The following PRKCA variants were observed in gnomAD, a reference collection of about 807,000 sequenced individuals.
PRKCA encodes the protein protein kinase C alpha type.
In PRKCA, 27 loss-of-function variants were observed where a neutral mutation model predicts 87.0. That is an observed-to-expected ratio of 0.31 (90% CI 0.23 to 0.43). PRKCA has a LOEUF of 0.43. Ranked by LOEUF, PRKCA falls within the 20% of genes least tolerant of loss-of-function variation. The probability of loss-of-function intolerance (pLI) is 1.00; values close to 1 mark genes in which losing one functional copy is unlikely to be tolerated. For missense variants in PRKCA, 518 were observed against 852.3 expected (o/e 0.61, Z 4.88); for synonymous variants, 329 against 311.1 (o/e 1.06, Z -0.61).
chr17:66,669,300 T>C (rs73997130), intron 5 of PRKCA, among the ~76,000 whole-genome samples: 7,824 of 152,206 alleles, frequency 0.051, 682 homozygotes, highest in African/African-American at 0.18. Flanking sequence ...TTAAAATCTT[T>C]GTGGTGCAAC....
chr17:66,570,607 T>G (rs1039818745), intron 3 of PRKCA, among the ~76,000 whole-genome samples: 2 of 152,196 alleles, frequency 1.3e-5, no homozygotes, highest in African/African-American at 4.8e-5. Flanking sequence ...CTAAATCACT[T>G]TCTTAGGGTG....
At chr17:66,380,792 A>G (rs1909733838) in intron 2 of PRKCA, among the ~76,000 whole-genome samples, 1 of 152,176 alleles carries the variant, frequency 6.6e-6, no homozygotes. Context: ...CTTGTCCTGA[A>G]TCACGATAGT....
At chr17:66,635,620 T>C (rs1405697161) in intron 3 of PRKCA, among the ~76,000 whole-genome samples, 2 of 152,226 alleles carry the variant, frequency 1.3e-5, no homozygotes, top group East Asian at 1.9e-4. Context: ...GGTTATATAT[T>C]TAATGAAGAA....
At chr17:66,514,579 A>G (rs903096286) in intron 3 of PRKCA, among the ~76,000 whole-genome samples, 11 of 152,124 alleles carry the variant, frequency 7.2e-5, no homozygotes, top group African/African-American at 2.4e-4. Context: ...CAGCAGCTCC[A>G]TGTTTCTGTG....
intron 5 of PRKCA, among the ~76,000 whole-genome samples, chr17:66,662,044 T>A (rs752519134): frequency 1.4e-4 from 21 of 152,230 alleles, no homozygotes; most frequent in Non-Finnish European, 2.9e-4. Flanking sequence ...GCCTCCAGGT[T>A]CTTAGCCTCT....
At chr17:66,653,025 C>T (rs1567956657) in intron 5 of PRKCA, among the ~76,000 whole-genome samples, 1 of 152,230 alleles carries the variant, frequency 6.6e-6, no homozygotes, top group Non-Finnish European at 1.5e-5. Context: ...TGGCCCCTGG[C>T]CCCCGTTAAA....
chr17:66,402,431 T>TC (rs1390116188), intron 2 of PRKCA, among the ~76,000 whole-genome samples: 1 of 151,228 alleles, frequency 6.6e-6, no homozygotes, highest in Non-Finnish European at 1.5e-5. Context: ...TTTTTTTTTT[T>TC]TTTTAAAGAA....
intron 5 of PRKCA, among the ~76,000 whole-genome samples, chr17:66,664,215 G>A (rs542555271): frequency 4.1e-4 from 63 of 152,140 alleles, no homozygotes; most frequent in Non-Finnish European, 1.5e-4. Flanking sequence ...TGGGAGGCAG[G>A]ATGGCAGAGC....
intron 16 of PRKCA, among the ~76,000 whole-genome samples, chr17:66,795,690 T>A (rs1975647666): frequency 6.6e-6 from 1 of 152,220 alleles, no homozygotes; most frequent in African/African-American, 2.4e-5. Context: ...TACATCAAAG[T>A]GTATGAATTG....
intron 13 of PRKCA, among the ~76,000 whole-genome samples, chr17:66,765,094 C>T (rs1010599420): frequency 6.6e-6 from 1 of 152,096 alleles, no homozygotes. Flanking sequence ...GGAAAGGAAA[C>T]AGATGAAGTT....
rs993248312 is a variant in PRKCA, at chr17:66,453,765, T to C, written c.206-42436T>C. Among the ~76,000 whole-genome samples, 5 of 152,256 alleles carry C rather than the reference T, an allele frequency of 3.3e-5. No homozygotes were observed. The South Asian group carries it at 6.2e-4, about 19-fold the overall frequency. On this transcript the variant is annotated intron_variant, in intron 2 of 16. Transcript: ENST00000413366. Reference sequence around the variant, plus strand: ...CTCTTCTGGGTTGTTCTGACTAACATTGGGTTTTACTCAAATTTTCTCTCC... The same window carrying C: ...CTCTTCTGGGTTGTTCTGACTAACACTGGGTTTTACTCAAATTTTCTCTCC...
intron 5 of PRKCA, among the ~76,000 whole-genome samples, chr17:66,655,314 T>C (rs1301221176): frequency 6.6e-6 from 1 of 152,072 alleles, no homozygotes; most frequent in Non-Finnish European, 1.5e-5. Context: ...TTTGCCCATC[T>C]CCCCATATTT....
intron 8 of PRKCA, chr17:66,703,666 G>C (rs1433683845): frequency 1.3e-5 from 2 of 152,058 alleles, no homozygotes; most frequent in African/African-American, 2.4e-5. Context: ...ATGGTGGTGA[G>C]AGCTTGTAAT....
intron 3 of PRKCA, among the ~76,000 whole-genome samples, chr17:66,504,370 C>T (rs1040830380): frequency 6.6e-6 from 1 of 152,090 alleles, no homozygotes; most frequent in Non-Finnish European, 1.5e-5. Context: ...AGGTGGATCA[C>T]CTGAGGTCAG....
chr17:66,497,536 A>G (rs1916531321), intron 3 of PRKCA, among the ~76,000 whole-genome samples: 1 of 152,078 alleles, frequency 6.6e-6, no homozygotes, highest in Non-Finnish European at 1.5e-5. Context: ...CACGGAAAAT[A>G]CCAATGTCTA....
intron 3 of PRKCA, among the ~76,000 whole-genome samples, chr17:66,503,427 G>T (rs1359342547): frequency 1.3e-5 from 2 of 152,160 alleles, no homozygotes; most frequent in African/African-American, 4.8e-5. Flanking sequence ...GGGACCAAAT[G>T]AATACATTAA....
intron 8 of PRKCA, among the ~76,000 whole-genome samples, chr17:66,724,436 C>G (rs887123387): frequency 6.6e-6 from 1 of 152,162 alleles, no homozygotes; most frequent in Non-Finnish European, 1.5e-5. Flanking sequence ...CTGCTCAGAG[C>G]CTGGTCCCCC....
At chr17:66,593,440 C>T (rs1015008528) in intron 3 of PRKCA, among the ~76,000 whole-genome samples, 1 of 152,210 alleles carries the variant, frequency 6.6e-6, no homozygotes, top group African/African-American at 2.4e-5. Context: ...ATAAGCATCA[C>T]AGCACTCTGT....
chr17:66,324,834 G>A (rs1015452968), intron 2 of PRKCA, among the ~76,000 whole-genome samples: 7 of 152,118 alleles, frequency 4.6e-5, no homozygotes, highest in Admixed American at 1.3e-4. Flanking sequence ...CATTAGTCAC[G>A]GTCTTCATTC....
Sources: gnomAD v4.1 joint callset for allele counts (sites outside exome capture counted in the v4.1 genomes callset) on GRCh38, gnomAD v4.1.1 for gene constraint, MANE v1.5 for transcripts, NCBI Gene and HGNC (gene_info 2026-07-23, HGNC 2026-07-21) for gene names.